ANKFN1: variants seen among roughly 807,000 people sequenced by gnomAD.
ANKFN1 encodes the protein ankyrin repeat and fibronectin type III domain containing 1, also known as ankyrin repeat and fibronectin type-III domain-containing protein 1.
In ANKFN1, 74 loss-of-function variants were observed where a neutral mutation model predicts 108.7. That is an observed-to-expected ratio of 0.68 (90% CI 0.56 to 0.83). ANKFN1 has a LOEUF of 0.83. Ranked by LOEUF, ANKFN1 falls within the 40% of genes least tolerant of loss-of-function variation. The probability of loss-of-function intolerance (pLI) is 0.00; values close to 1 mark genes in which losing one functional copy is unlikely to be tolerated. For missense variants in ANKFN1, 1,505 were observed against 1,382.3 expected (o/e 1.09, Z -1.41); for synonymous variants, 547 against 516.2 (o/e 1.06, Z -0.81).
chr17:56,158,411 G>T (rs540931777), intron 1 of ANKFN1, among the ~76,000 whole-genome samples: 83 of 152,316 alleles, frequency 5.4e-4, no homozygotes, highest in African/African-American at 1.9e-3. Flanking sequence ...CCATCCTGGT[G>T]CTTAGATGAG....
At chr17:56,464,194 T>TC (rs771126703) in intron 14 of ANKFN1, among the ~76,000 whole-genome samples, 35 of 152,218 alleles carry the variant, frequency 2.3e-4, no homozygotes, top group Admixed American at 6.5e-4. Flanking sequence ...ATAAAAAATT[T>TC]CAAGAAGACT....
chr17:56,076,905 T>C (rs1437299860), intron 4 of ANKFN1, among the ~76,000 whole-genome samples: 1 of 152,230 alleles, frequency 6.6e-6, no homozygotes, highest in African/African-American at 2.4e-5. Context: ...AAGAATTGCA[T>C]CAGTCTTATG....
intron 12 of ANKFN1, 59 bp downstream of exon 12, chr17:56,457,019 G>A (rs1029051159): frequency 6.8e-7 from 1 of 1,480,448 alleles, no homozygotes; most frequent in Non-Finnish European, 9.3e-7. Context: ...ACTGGTTTTG[G>A]TTCTGAGTAG....
chr17:56,180,579 T>C (rs1422934494), intron 1 of ANKFN1, among the ~76,000 whole-genome samples: 1 of 152,220 alleles, frequency 6.6e-6, no homozygotes, highest in Non-Finnish European at 1.5e-5. Flanking sequence ...TCCCCCAGTA[T>C]GTAGTGTTTT....
At chr17:56,498,781 C>T in intron 19 of ANKFN1, 101 bp from the exon 20 acceptor site, 1 of 916,254 alleles carries the variant, frequency 1.1e-6, no homozygotes, top group Admixed American at 2.3e-5. Flanking sequence ...TTGCTCAAAG[C>T]CAATATTGCG....
intron 8 of ANKFN1, among the ~76,000 whole-genome samples, chr17:56,395,270 G>A (rs1352467108): frequency 2.0e-5 from 3 of 152,180 alleles, no homozygotes; most frequent in South Asian, 4.1e-4. Flanking sequence ...CATTGGGCCA[G>A]TCTTATCACC....
intron 1 of ANKFN1, among the ~76,000 whole-genome samples, chr17:56,207,764 C>T (rs1361675330): frequency 6.6e-6 from 1 of 152,108 alleles, no homozygotes; most frequent in Non-Finnish European, 1.5e-5. Flanking sequence ...TTCTCTTTCT[C>T]TTTGCTTTTC....
At chr17:56,227,522 C>G (rs929595822) in intron 2 of ANKFN1, among the ~76,000 whole-genome samples, 3 of 152,084 alleles carry the variant, frequency 2.0e-5, no homozygotes, top group Non-Finnish European at 4.4e-5. Context: ...ACTTGGCCAA[C>G]AAGAACAAGG....
Position 56,512,250 on chromosome 17 carries a change from C to T in ANKFN1, c.*981C>T, listed in dbSNP as rs191300994. Among the ~76,000 whole-genome samples, 24 of 152,304 alleles carry T rather than the reference C, an allele frequency of 1.6e-4. No individual in the cohort carries two copies. The East Asian group carries it at 4.4e-3, about 28-fold the overall frequency. On this transcript the variant is annotated 3_prime_UTR_variant, in exon 21 of 21. Transcript: ENST00000682825. ...AATTGTCATTGAACCAGAAAGTGCC[C>T]TGCAGATACGGTCAGTCAGCAATGG...
chr17:56,354,565 A>C (rs1890897323), intron 6 of ANKFN1, among the ~76,000 whole-genome samples: 1 of 152,236 alleles, frequency 6.6e-6, no homozygotes, highest in South Asian at 2.1e-4. Context: ...GTAAATAGAT[A>C]AAATACAAAC....
intron 4 of ANKFN1, among the ~76,000 whole-genome samples, chr17:56,103,008 A>G (rs1033565159): frequency 1.3e-5 from 2 of 152,260 alleles, no homozygotes; most frequent in African/African-American, 2.4e-5. Flanking sequence ...GCAGCAAAAT[A>G]TGTAAATGAG....
intron 4 of ANKFN1, among the ~76,000 whole-genome samples, chr17:56,348,457 C>T (rs1407409412): frequency 1.3e-5 from 2 of 152,042 alleles, no homozygotes; most frequent in African/African-American, 4.8e-5. Flanking sequence ...AAACTATCAT[C>T]AGAGGGAACA....
rs1011046565 is a variant in ANKFN1 at position 56,368,590 on chromosome 17, CT to C, written c.602-4047del. 1.7e-4 allele frequency among the ~76,000 whole-genome samples: 26 copies of C among 149,580 alleles called. 3 individuals are homozygous for C. Among genetic ancestry groups the C allele is most frequent in the Admixed American group, 1.1e-3 (16 of 14,926 alleles). ...CCACCGCGCCCGGCTGAAAATGGAC[CT>C]TTTTTTTTAATGGCAATAGGACATT... On this transcript the variant is annotated intron_variant, in intron 6 of 20. Coordinates refer to ENST00000682825, the MANE Select transcript of ANKFN1 (RefSeq NM_001370326.1).
At chr17:56,436,479 C>A (rs2048932959) in intron 8 of ANKFN1, among the ~76,000 whole-genome samples, 1 of 152,138 alleles carries the variant, frequency 6.6e-6, no homozygotes, top group Admixed American at 6.5e-5. Context: ...AGTCTGTAAA[C>A]TACCTATATA....
chr17:56,285,306 G>A lies in ANKFN1; in HGVS notation c.54-40915G>A, dbSNP rs547711105. The stretch of plus-strand genomic sequence containing the variant: ...ATTCCCTGGAACTGCTGGGCTGGAG[G>A]TGGCATCCCATCCTTATGTATTTAA... On this transcript the variant is annotated intron_variant, in intron 3 of 20. Coordinates refer to ENST00000682825, the MANE Select transcript of ANKFN1 (RefSeq NM_001370326.1). Among the ~76,000 whole-genome samples, 4 of 152,106 alleles carry A rather than the reference G, an allele frequency of 2.6e-5. No homozygotes were observed. In the South Asian group the frequency reaches 6.2e-4, roughly 24 times the overall value.
At chr17:56,208,918 CT>C (rs1914749811) in intron 1 of ANKFN1, among the ~76,000 whole-genome samples, 1 of 151,984 alleles carries the variant, frequency 6.6e-6, no homozygotes, top group Admixed American at 6.5e-5. Flanking sequence ...GAGTCTCGCT[CT>C]GTCACCAGGC....
At chr17:56,435,528 G>A (rs190275334) in intron 8 of ANKFN1, among the ~76,000 whole-genome samples, 13 of 152,302 alleles carry the variant, frequency 8.5e-5, no homozygotes, top group African/African-American at 3.1e-4. Flanking sequence ...TGTGGAAGAG[G>A]AGGCCATATC....
chr17:56,457,569 G>A (rs768548962), intron 13 of ANKFN1, among the ~76,000 whole-genome samples, 180 bp downstream of exon 13: 3 of 152,122 alleles, frequency 2.0e-5, no homozygotes, highest in East Asian at 1.9e-4. Context: ...CCAAAGTAAC[G>A]TGTGCGCTAC....
At chr17:56,448,597 A>G (rs1598626504) in intron 10 of ANKFN1, among the ~76,000 whole-genome samples, 2 of 152,296 alleles carry the variant, frequency 1.3e-5, no homozygotes, top group South Asian at 4.1e-4. Context: ...CCTTGGAAAG[A>G]AATGTCAATT....
Sources: gnomAD v4.1 joint callset for allele counts (sites outside exome capture counted in the v4.1 genomes callset) on GRCh38, gnomAD v4.1.1 for gene constraint, MANE v1.5 for transcripts, NCBI Gene and HGNC (gene_info 2026-07-23, HGNC 2026-07-21) for gene names.